The following TENT5D variants were observed in gnomAD, a reference collection of about 807,000 sequenced individuals.
The protein encoded by TENT5D is terminal nucleotidyltransferase 5D.
For synonymous variants in TENT5D, 103 were observed against 100.6 expected (o/e 1.02, Z -0.15); for missense variants, 191 against 287.0 (o/e 0.67, Z 2.42).
chrX:80,439,612 G>A (rs775644971), intron 2 of TENT5D, among the ~76,000 whole-genome samples: 2 of 110,788 alleles, frequency 1.8e-5, no homozygotes, highest in Non-Finnish European at 3.8e-5. Flanking sequence ...ATGAACAGTA[G>A]CTGTGCCAAA....
Position 80,431,849 on chromosome X carries a change from G to T in TENT5D, c.-141-6761G>T, listed in dbSNP as rs920989480. Among the ~76,000 whole-genome samples, 5 of 111,435 alleles carry T rather than the reference G, an allele frequency of 4.5e-5. No individual in the cohort carries two copies. In the East Asian group the frequency reaches 1.1e-3, roughly 25 times the overall value. On this transcript the variant is annotated intron_variant, in intron 1 of 2. Coordinates refer to ENST00000308293, the Ensembl canonical transcript of TENT5D. ...TTTCATAGAAAAGTATTTTAGTTCT[G>T]CTGGGAAGTGCTGGCTTCTCACATG...
chrX:80,443,657 G>A (rs1284909928), exon 3 of TENT5D: 1 of 1,202,742 alleles, frequency 8.3e-7, no homozygotes, highest in Non-Finnish European at 1.1e-6. Flanking sequence ...CCCCCCGTTA[G>A]CTTCCAGCCA....
At chrX:80,336,161 G>A (rs1025646366) in intron 2 of TENT5D, among the ~76,000 whole-genome samples, 1 of 111,074 alleles carries the variant, frequency 9.0e-6, no homozygotes, top group Non-Finnish European at 1.9e-5. Flanking sequence ...CTCTTACTAA[G>A]GAATTTAACA....
intron 3 of TENT5D, among the ~76,000 whole-genome samples, chrX:80,393,751 C>G (rs1052917507): frequency 7.2e-5 from 8 of 111,479 alleles, no homozygotes; most frequent in African/African-American, 2.6e-4. Context: ...ATTTTACTCC[C>G]TGCTTTTATG....
intron 3 of TENT5D, among the ~76,000 whole-genome samples, chrX:80,386,408 G>T (rs781608357): frequency 2.4e-4 from 26 of 110,452 alleles, no homozygotes; most frequent in African/African-American, 8.6e-4. Context: ...GCCTGTTGTG[G>T]GGTGGGAGGA....
chrX:80,336,029 G>A (rs1014062009), intron 2 of TENT5D, among the ~76,000 whole-genome samples: 1 of 110,157 alleles, frequency 9.1e-6, no homozygotes, highest in Non-Finnish European at 1.9e-5. Context: ...AAAGTTATTA[G>A]ACACTATGGA....
chrX:80,366,110 G>T (rs1184281715), intron 3 of TENT5D, among the ~76,000 whole-genome samples: 4 of 110,066 alleles, frequency 3.6e-5, no homozygotes, highest in Non-Finnish European at 7.6e-5. Context: ...TTCATGGTAT[G>T]TTAAGAAAAG....
intron 1 of TENT5D, among the ~76,000 whole-genome samples, chrX:80,426,736 A>G (rs1315055041): frequency 9.0e-6 from 1 of 111,612 alleles, no homozygotes; most frequent in Non-Finnish European, 1.9e-5. Context: ...CCTTCTTACA[A>G]TTTTTTAGTA....
Position 80,392,495 on chromosome X carries a change from C to CTTTTTTTTTTTTTTT in TENT5D, c.-141-46097_-141-46083dup, listed in dbSNP as rs72029455. The stretch of plus-strand genomic sequence containing the variant: ...TTTATAGCTTTATTCTCATTTTATT[C>CTTTTTTTTTTTTTTT]TTTTTTTTTTTTTTTTTTTTTTTTT... On this transcript the variant is annotated intron_variant, in intron 3 of 4. Coordinates refer to the TENT5D transcript ENST00000538312. Among the ~76,000 whole-genome samples, 10 of 24,303 alleles carry CTTTTTTTTTTTTTTT rather than the reference C, an allele frequency of 4.1e-4. 2 individuals are homozygous for CTTTTTTTTTTTTTTT. Among genetic ancestry groups the CTTTTTTTTTTTTTTT allele is most frequent in the East Asian group, 1.4e-3 (1 of 715 alleles). 21.1% of individuals were successfully genotyped at this position (24,303 alleles called of 115,157 possible).
At chrX:80,382,266 G>A (rs988558035) in intron 3 of TENT5D, among the ~76,000 whole-genome samples, 1 of 112,009 alleles carries the variant, frequency 8.9e-6, no homozygotes, top group Admixed American at 9.4e-5. Context: ...GACCCTGTTT[G>A]CCTGGGTATC....
At chrX:80,335,725 C>CGTAT (rs1245349440) in intron 2 of TENT5D, 1 of 111,535 alleles carries the variant, frequency 9.0e-6, no homozygotes. Context: ...AGGTATAGGG[C>CGTAT]TTTTAACGTA....
chrX:80,374,175 T>G (rs1179517605), intron 3 of TENT5D, among the ~76,000 whole-genome samples: 1 of 111,700 alleles, frequency 9.0e-6, no homozygotes, highest in Non-Finnish European at 1.9e-5. Flanking sequence ...GACATGATCT[T>G]GTGCTTTTTT....
intron 1 of TENT5D, among the ~76,000 whole-genome samples, chrX:80,435,062 C>T (rs913347935): frequency 3.6e-5 from 4 of 111,043 alleles, no homozygotes; most frequent in African/African-American, 1.3e-4. Flanking sequence ...GGATTACAGA[C>T]TTGAGCCACC....
intron 3 of TENT5D, among the ~76,000 whole-genome samples, chrX:80,391,412 A>C (rs1045157481): frequency 3.6e-5 from 4 of 112,244 alleles, no homozygotes; most frequent in Non-Finnish European, 7.5e-5. Context: ...CTTTAAACTA[A>C]ATAATATTCT....
At chrX:80,370,802 T>G (rs763427165) in intron 3 of TENT5D, among the ~76,000 whole-genome samples, 2 of 111,993 alleles carry the variant, frequency 1.8e-5, no homozygotes, top group African/African-American at 3.2e-5. Flanking sequence ...GATATGTTGT[T>G]ACTTCTAGGA....
intron 3 of TENT5D, among the ~76,000 whole-genome samples, chrX:80,359,477 A>G (rs1432689764): frequency 1.8e-5 from 2 of 111,930 alleles, no homozygotes; most frequent in East Asian, 5.6e-4. Context: ...ACCATAAAAA[A>G]GAATGAGTTC....
chrX:80,395,207 T>C (rs917123998), intron 3 of TENT5D, among the ~76,000 whole-genome samples: 23 of 112,417 alleles, frequency 2.0e-4, no homozygotes, highest in African/African-American at 7.1e-4. Flanking sequence ...TCATTTGTTT[T>C]TATGGTTGAG....
intron 2 of TENT5D, among the ~76,000 whole-genome samples, chrX:80,340,700 G>C (rs1929940847): frequency 1.8e-5 from 2 of 111,489 alleles, no homozygotes; most frequent in South Asian, 3.7e-4. Flanking sequence ...AGACTGTCCT[G>C]TGTAGTGTAA....
intron 3 of TENT5D, among the ~76,000 whole-genome samples, chrX:80,355,513 T>C (rs1347202652): frequency 8.9e-6 from 1 of 111,998 alleles, no homozygotes; most frequent in African/African-American, 3.2e-5. Flanking sequence ...CCAAACCTTC[T>C]GGGCTCTGCA....
Sources: gnomAD v4.1 joint callset for allele counts (sites outside exome capture counted in the v4.1 genomes callset) on GRCh38, gnomAD v4.1.1 for gene constraint, MANE v1.5 for transcripts, NCBI Gene and HGNC (gene_info 2026-07-23, HGNC 2026-07-21) for gene names.